Variants in IGF2R observed in about 807,000 individuals in gnomAD.
IGF2R encodes insulin like growth factor 2 receptor, also known as cation-independent mannose-6-phosphate receptor.
Under a neutral mutation model 270.6 loss-of-function variants are expected in IGF2R, and 91 were observed. The ratio of observed to expected loss-of-function variants is 0.34; its 90% confidence interval spans 0.28 to 0.40. The LOEUF (loss-of-function observed/expected upper bound fraction) is 0.40. IGF2R is among the 10% of genes least tolerant of loss of function. The probability of loss-of-function intolerance (pLI) is 1.00; values close to 1 mark genes in which losing one functional copy is unlikely to be tolerated. For synonymous variants in IGF2R, 1,316 were observed against 1,258.9 expected, an observed-to-expected ratio of 1.05 and a Z score of -0.96; for missense variants, 2,805 against 3,188.3, an observed-to-expected ratio of 0.88 and a Z score of 2.90.
chr6:159,990,599 T>C (rs1421205515), intron 1 of IGF2R, among the ~76,000 whole-genome samples: 2 of 152,190 alleles, frequency 1.3e-5, no homozygotes, highest in African/African-American at 4.8e-5. Context: ...CTGATCTGAG[T>C]TGATATTCTT....
chr6:160,093,529 A>C, intron 44 of IGF2R: 1 of 606,152 alleles, frequency 1.6e-6, no homozygotes, highest in African/African-American at 1.9e-5. Context: ...CGGTTCAGCA[A>C]CCTGGACAAA....
chr6:160,008,050 A>T (rs1009055439), intron 2 of IGF2R, among the ~76,000 whole-genome samples: 15 of 152,228 alleles, frequency 9.9e-5, no homozygotes, highest in African/African-American at 3.1e-4. Flanking sequence ...ACTAATACTC[A>T]TGATACTTAA....
At chr6:160,008,272 C>G (rs917105842) in intron 2 of IGF2R, among the ~76,000 whole-genome samples, 3 of 149,036 alleles carry the variant, frequency 2.0e-5, no homozygotes, top group Non-Finnish European at 4.4e-5. Flanking sequence ...GTTTCCAGTT[C>G]CGTTTTTATT....
At chr6:160,064,230 C>G (rs553818798) in intron 27 of IGF2R, among the ~76,000 whole-genome samples, 171 bp from the exon 28 acceptor site, 54 of 152,232 alleles carry the variant, frequency 3.5e-4, no homozygotes, top group African/African-American at 1.1e-3. Context: ...CAAGGGGAAG[C>G]CTGATTTTAT....
At position 160,060,669 on chromosome 6, in the gene IGF2R, G is replaced by C; in HGVS notation, c.3214G>C (p.Glu1072Gln). The change falls in exon 23 of 48, where the codon GAA becomes CAA. Residue 1072 changes from glutamate to glutamine, a missense_variant. Glu to Gln is a conservative substitution (Grantham distance 29). Around this residue, in one of 2 missense-constraint regions of IGF2R, gnomAD observed 1,851 missense variants for 2,207.2 expected, o/e 0.84. Transcript: ENST00000356956. ...QGIRNTYFEFETALACVPSPV... is the reference protein window; with the variant it reads ...QGIRNTYFEFQTALACVPSPV... ...GATCCGAAACACTTACTTTGAGTTT[G>C]AAACCGCGTTGGCCTGTGTTCCTTC... is the stretch of plus-strand genomic sequence containing the variant. The C allele has an allele frequency of 6.2e-7, 1 of 1,614,272 alleles. No individual in the cohort carries two copies. Among genetic ancestry groups the C allele is most frequent in the Non-Finnish European group, 8.5e-7 (1 of 1,180,052 alleles).
chr6:160,043,003 G>A lies in IGF2R; in HGVS notation c.1481-145G>A, dbSNP rs1006038185. ...GAATTTTTGTGCTTTCAGTCTGCCCGGGTTCCAGAAACAGCGCTGGGGATT... is the reference window on the plus strand; with the variant it reads ...GAATTTTTGTGCTTTCAGTCTGCCCAGGTTCCAGAAACAGCGCTGGGGATT... On this transcript the variant is annotated intron_variant, in intron 11 of 47. Coordinates refer to ENST00000356956, the MANE Select transcript of IGF2R (RefSeq NM_000876.4). 123 of 775,894 alleles carry A rather than the reference G, an allele frequency of 1.6e-4. 2 individuals carry two copies. In the East Asian group the frequency reaches 3.0e-3, roughly 19 times the overall value. 48.1% of individuals were successfully genotyped at this position (775,894 alleles called of 1,614,324 possible).
At chr6:160,089,812 G>A in intron 43 of IGF2R, 104 bp from the exon 44 acceptor site, 1 of 728,704 alleles carries the variant, frequency 1.4e-6, no homozygotes, top group East Asian at 3.0e-5. Context: ...CCTAGGAAAG[G>A]AAGCATCCTG....
intron 5 of IGF2R, among the ~76,000 whole-genome samples, chr6:160,025,253 C>A (rs182078531): frequency 6.6e-6 from 1 of 152,164 alleles, no homozygotes; most frequent in Non-Finnish European, 1.5e-5. Context: ...TTTTACTAAG[C>A]CTTTGACTAG....
intron 45 of IGF2R, among the ~76,000 whole-genome samples, chr6:160,098,027 C>A (rs933557481): frequency 6.6e-6 from 1 of 152,172 alleles, no homozygotes; most frequent in Non-Finnish European, 1.5e-5. Flanking sequence ...GGAAGTTCTT[C>A]CTGAAAGAAG....
intron 44 of IGF2R, chr6:160,094,120 C>A: frequency 2.2e-6 from 1 of 445,582 alleles, no homozygotes; most frequent in Non-Finnish European, 4.3e-6. Flanking sequence ...ACTGCTGTTG[C>A]ATAACAACCC....
At chr6:160,097,814 TC>T (rs1779399828) in intron 45 of IGF2R, among the ~76,000 whole-genome samples, 2 of 152,070 alleles carry the variant, frequency 1.3e-5, no homozygotes, top group South Asian at 4.2e-4. Context: ...AAATCAGCAC[TC>T]CCCCTGCCCA....
rs766005573 is a variant in IGF2R, at chr6:160,103,794, C to G, written c.7044C>G (p.Asn2348Lys). The change falls in exon 47 of 48, where the codon AAC becomes AAG. Residue 2348 changes from asparagine to lysine, a missense_variant. Physicochemically the swap from Asn to Lys is moderately conservative, Grantham distance 94 (BLOSUM62 0). Coordinates refer to ENST00000356956, the MANE Select transcript of IGF2R (RefSeq NM_000876.4). ...KLTTCCRRSSNVSYKYSKVNK... is the reference protein window; with the variant it reads ...KLTTCCRRSSKVSYKYSKVNK... ...CCACTTGCTGTAGGAGAAGTTCCAA[C>G]GTGTCCTACAAATACTCAAAGGTAA... is the stretch of plus-strand genomic sequence containing the variant. 1 of 1,610,928 alleles carries G rather than the reference C, an allele frequency of 6.2e-7. No homozygotes were observed. The highest frequency in any genetic ancestry group is 1.3e-5 in the African/African-American group (1 of 74,812).
intron 6 of IGF2R, 50 bp from the exon 7 acceptor site, chr6:160,029,500 G>A (rs773669361): frequency 2.5e-6 from 3 of 1,191,752 alleles, no homozygotes; most frequent in Non-Finnish European, 3.8e-6. Flanking sequence ...TATGAATTTG[G>A]ATGTACTTTA....
chr6:160,046,809 C>G (rs1293537059), intron 15 of IGF2R, among the ~76,000 whole-genome samples, 164 bp downstream of exon 15: 1 of 152,130 alleles, frequency 6.6e-6, no homozygotes, highest in Non-Finnish European at 1.5e-5. Context: ...GTTTAATTTC[C>G]CAGAGAAAGG....
At chr6:160,060,232 C>T (rs954929625) in intron 22 of IGF2R, among the ~76,000 whole-genome samples, 3 of 151,924 alleles carry the variant, frequency 2.0e-5, no homozygotes, top group African/African-American at 7.3e-5. Flanking sequence ...CCTGTCATCA[C>T]ATAGGCCACC....
intron 34 of IGF2R, 33 bp downstream of exon 34, chr6:160,073,502 T>C (rs2115276018): frequency 1.2e-6 from 2 of 1,609,728 alleles, no homozygotes; most frequent in Non-Finnish European, 1.7e-6. Flanking sequence ...GAGAAGTGCA[T>C]GTCCAGTGCC....
chr6:160,047,770 C>A lies in IGF2R; in HGVS notation c.2230-22C>A, dbSNP rs770756008. The stretch of plus-strand genomic sequence containing the variant: ...GTGTCTTTCTCTTTTTGCCATCCCT[C>A]CGCGCATCTGCCGTGGATTAGGAAG... On this transcript the variant is annotated intron_variant, in intron 16 of 47. Coordinates refer to ENST00000356956, the MANE Select transcript of IGF2R (RefSeq NM_000876.4). 5.6e-6 allele frequency: 8 copies of A among 1,435,404 alleles called. No homozygotes were observed. In the East Asian group the frequency reaches 1.6e-4, roughly 29 times the overall value. 88.9% of individuals were successfully genotyped at this position (1,435,404 alleles called of 1,614,324 possible). A position where few individuals can be genotyped will look rare whatever the true frequency, so the allele number is the denominator to read the frequency against.
chr6:160,060,119 C>T (rs1778402522), intron 22 of IGF2R, among the ~76,000 whole-genome samples: 1 of 151,792 alleles, frequency 6.6e-6, no homozygotes, highest in South Asian at 2.1e-4. Flanking sequence ...TAACACAGGC[C>T]ACCGTTGCAG....
At chr6:160,098,456 G>A (rs190465649) in intron 45 of IGF2R, among the ~76,000 whole-genome samples, 149 of 152,276 alleles carry the variant, frequency 9.8e-4, no homozygotes, top group Non-Finnish European at 1.7e-3. Flanking sequence ...GGTACCACCC[G>A]GGGGTGACGT....
Sources: allele counts gnomAD v4.1 joint callset (sites outside exome capture counted in the v4.1 genomes callset), GRCh38; gene constraint gnomAD v4.1.1; regional missense constraint gnomAD v4.1.1; transcripts MANE v1.5; gene names NCBI Gene and HGNC (gene_info 2026-07-23, HGNC 2026-07-21).